ABI1: variants seen among roughly 807,000 people sequenced by gnomAD.
ABI1 encodes abl interactor 1, also known as Abelson interactor 1.
ABI1 carries 14 observed loss-of-function variants against 54.6 expected under a neutral mutation model. That is an observed-to-expected ratio of 0.26 (90% CI 0.17 to 0.40). ABI1 has a LOEUF of 0.40. ABI1 is among the 10% of genes least tolerant of loss of function. The pLI is 1.00. For missense variants in ABI1, 443 were observed against 598.3 expected (o/e 0.74, Z 2.71); for synonymous variants, 194 against 209.3 (o/e 0.93, Z 0.63).
chr10:26,846,375 C>T (rs568396206), intron 1 of ABI1, among the ~76,000 whole-genome samples: 24 of 149,362 alleles, frequency 1.6e-4, no homozygotes, highest in Non-Finnish European at 3.1e-4. Context: ...CAGAGTCTCA[C>T]TCTGTTGCCC....
intron 7 of ABI1, among the ~76,000 whole-genome samples, chr10:26,762,953 A>T (rs1006696599): frequency 1.3e-5 from 2 of 152,142 alleles, no homozygotes; most frequent in African/African-American, 2.4e-5. Context: ...ACCAACACAC[A>T]TCCTCACCAA....
chr10:26,817,713 C>A (rs1564536163), intron 2 of ABI1, among the ~76,000 whole-genome samples: 1 of 152,148 alleles, frequency 6.6e-6, no homozygotes, highest in African/African-American at 2.4e-5. Flanking sequence ...TTATCTTATG[C>A]ATATTCTGCC....
intron 1 of ABI1, among the ~76,000 whole-genome samples, chr10:26,835,580 GA>G (rs74804255): frequency 0.29 from 38,953 of 135,912 alleles, 5,854 homozygotes; most frequent in South Asian, 0.46. Context: ...GTCTCCAAAG[GA>G]AAAAAAAAAA....
chr10:26,834,512 C>T (rs1485636184), intron 1 of ABI1, among the ~76,000 whole-genome samples: 3 of 147,808 alleles, frequency 2.0e-5, no homozygotes, highest in African/African-American at 7.5e-5. Flanking sequence ...AGGAAAATGG[C>T]AAAAGATCTG....
chr10:26,769,821 C>T (rs961568197), intron 5 of ABI1, among the ~76,000 whole-genome samples: 7 of 152,098 alleles, frequency 4.6e-5, no homozygotes, highest in Non-Finnish European at 7.4e-5. Flanking sequence ...AAGTCTCAGA[C>T]ACCAATAGGC....
intron 1 of ABI1, among the ~76,000 whole-genome samples, chr10:26,827,659 C>A (rs1377260940): frequency 6.9e-6 from 1 of 144,952 alleles, no homozygotes; most frequent in Non-Finnish European, 1.5e-5. Context: ...ATGGAGTGAT[C>A]TCGGCTCACT....
chr10:26,851,256 C>T (rs535727541), intron 1 of ABI1, among the ~76,000 whole-genome samples: 43 of 151,632 alleles, frequency 2.8e-4, no homozygotes, highest in Admixed American at 1.2e-3. Flanking sequence ...AGTGCAGTGG[C>T]GCAACCATAG....
chr10:26,797,591 A>T (rs988294082), intron 2 of ABI1, among the ~76,000 whole-genome samples: 3 of 152,210 alleles, frequency 2.0e-5, no homozygotes, highest in Admixed American at 6.5e-5. Context: ...GCAGAAACAC[A>T]GAAAATGTAA....
chr10:26,784,853 C>T (rs115036872), intron 2 of ABI1, among the ~76,000 whole-genome samples: 1,526 of 152,308 alleles, frequency 0.01, 22 homozygotes, highest in African/African-American at 0.033. Context: ...AATAGCCCTA[C>T]GCTTCCTCTT....
At chr10:26,809,813 C>T (rs1375986075) in intron 2 of ABI1, among the ~76,000 whole-genome samples, 1 of 152,118 alleles carries the variant, frequency 6.6e-6, no homozygotes, top group Non-Finnish European at 1.5e-5. Flanking sequence ...GTGGAGCTCC[C>T]TGGATGGTGA....
At chr10:26,837,311 G>A (rs112759444) in intron 1 of ABI1, among the ~76,000 whole-genome samples, 34 of 152,170 alleles carry the variant, frequency 2.2e-4, no homozygotes, top group African/African-American at 8.2e-4. Flanking sequence ...TCACATGGCA[G>A]AGAGAGACCA....
intron 1 of ABI1, among the ~76,000 whole-genome samples, chr10:26,828,639 C>A (rs939422091): frequency 6.6e-6 from 1 of 152,120 alleles, no homozygotes; most frequent in African/African-American, 2.4e-5. Flanking sequence ...AGAGAGAAAC[C>A]ACTCTACAAG....
chr10:26,747,261 TATACAC>T lies in ABI1; in HGVS notation c.*1303_*1308del. 4.4e-6 allele frequency: 1 copy of T among 224,964 alleles called. No individual in the cohort carries two copies. The highest frequency in any genetic ancestry group is 8.9e-6 in the Non-Finnish European group (1 of 112,880). The allele number at this position is 224,964 out of a possible 1,614,324, so 13.9% of individuals were successfully genotyped here. A position where few individuals can be genotyped will look rare whatever the true frequency, so the allele number is the denominator to read the frequency against. On this transcript the variant is annotated 3_prime_UTR_variant, in exon 11 of 11. Coordinates refer to ENST00000376140, the MANE Select transcript of ABI1 (RefSeq NM_001012750.3). ...TTTAATATCCTAAGCAATAGAGAATTATACACAAGACAAGAAGAGAAAACATCCCTC... is the reference window on the plus strand; with the variant it reads ...TTTAATATCCTAAGCAATAGAGAATTAAGACAAGAAGAGAAAACATCCCTC...
intron 2 of ABI1, among the ~76,000 whole-genome samples, chr10:26,780,538 A>C (rs745810804): frequency 3.3e-5 from 5 of 152,226 alleles, no homozygotes; most frequent in Non-Finnish European, 7.3e-5. Flanking sequence ...TATTGGACTG[A>C]TCAGCACACA....
At chr10:26,852,670 C>T (rs114742196) in intron 1 of ABI1, among the ~76,000 whole-genome samples, 67 of 151,960 alleles carry the variant, frequency 4.4e-4, no homozygotes, top group African/African-American at 1.5e-3. Flanking sequence ...ATAAAATGTA[C>T]CAAATACAAT....
At chr10:26,830,021 G>T (rs1241469397) in intron 1 of ABI1, among the ~76,000 whole-genome samples, 3 of 152,072 alleles carry the variant, frequency 2.0e-5, no homozygotes, top group African/African-American at 7.2e-5. Context: ...CAACAGTTTT[G>T]CCTTTTCTAG....
At chr10:26,804,096 A>C (rs2046729885) in intron 2 of ABI1, among the ~76,000 whole-genome samples, 1 of 152,170 alleles carries the variant, frequency 6.6e-6, no homozygotes, top group East Asian at 1.9e-4. Flanking sequence ...CAAATACAAT[A>C]GATCGGCTGG....
At chr10:26,800,817 A>G in intron 2 of ABI1, among the ~76,000 whole-genome samples, 1 of 152,074 alleles carries the variant, frequency 6.6e-6, no homozygotes, top group Non-Finnish European at 1.5e-5. Flanking sequence ...GACCAGCCTT[A>G]CCAACATGGA....
chr10:26,764,746 C>T (rs1839699395), intron 7 of ABI1, among the ~76,000 whole-genome samples: 1 of 152,166 alleles, frequency 6.6e-6, no homozygotes, highest in South Asian at 2.1e-4. Flanking sequence ...ATTCCCTAAA[C>T]AATACAGTAT....
Sources: gnomAD v4.1 joint callset for allele counts (sites outside exome capture counted in the v4.1 genomes callset) on GRCh38, gnomAD v4.1.1 for gene constraint, MANE v1.5 for transcripts, NCBI Gene and HGNC (gene_info 2026-07-23, HGNC 2026-07-21) for gene names.